DDHD2: variants seen among roughly 807,000 people sequenced by gnomAD.
DDHD2 encodes triacylglycerol hydrolase DDHD2.
In DDHD2, 62 loss-of-function variants were observed where a neutral mutation model predicts 91.2. The observed-to-expected ratio is 0.68, with a 90% CI of 0.55 to 0.84. The LOEUF is 0.84. Among genes scored for constraint, DDHD2 ranks in the 40% least tolerant of loss-of-function variants. The pLI is 0.00. For synonymous variants in DDHD2, 271 were observed against 293.9 expected (o/e 0.92, Z 0.80); for missense variants, 740 against 846.9 (o/e 0.87, Z 1.57).
chr8:38,246,350 T>C (rs763616195), intron 9 of DDHD2, 50 bp downstream of exon 9: 3 of 1,416,046 alleles, frequency 2.1e-6, no homozygotes, highest in Admixed American at 3.9e-5. Context: ...TTAGTAAGGA[T>C]TTATAGATTT....
At chr8:38,251,726 A>G in intron 11 of DDHD2, 186 bp from the exon 12 acceptor site, 1 of 519,932 alleles carries the variant, frequency 1.9e-6, no homozygotes, top group Non-Finnish European at 3.4e-6. Context: ...CTTTGGCTAT[A>G]CTTTTACTAT....
intron 2 of DDHD2, 82 bp downstream of exon 2, chr8:38,233,296 A>G (rs1303982817): frequency 7.2e-6 from 8 of 1,110,012 alleles, no homozygotes; most frequent in Non-Finnish European, 9.0e-6. Flanking sequence ...AGTGAGTGCT[A>G]TGAAAACCAA....
chr8:38,237,652 G>A (rs746988762), intron 4 of DDHD2, 25 bp downstream of exon 4: 13 of 1,375,482 alleles, frequency 9.5e-6, no homozygotes, highest in South Asian at 2.6e-5. Flanking sequence ...TTCTCTTGTC[G>A]GGATAAAAAG....
In DDHD2 at chr8:38,262,082, G is replaced by C. The variant is rs915640170; in HGVS notation, c.*1509G>C. On this transcript the variant is annotated 3_prime_UTR_variant, in exon 18 of 18. Coordinates refer to ENST00000397166, the MANE Select transcript of DDHD2 (RefSeq NM_015214.3). ...TGGAGATTGTAGAGGTAAGGTTGGG[G>C]TATAGGTCAGGCCTGGCCTTTCTTT... is the stretch of plus-strand genomic sequence containing the variant. The C allele has an allele frequency of 1.3e-5, 2 of 152,194 alleles. No homozygotes were observed. The highest frequency in any genetic ancestry group is 3.2e-3 in the Middle Eastern group (1 of 316). The allele number at this position is 152,194 out of a possible 1,614,324, so 9.4% of individuals were successfully genotyped here.
chr8:38,267,132 G>C, downstream of DDHD2: 10 of 1,544,392 alleles, frequency 6.5e-6, no homozygotes, highest in Non-Finnish European at 8.7e-6. Flanking sequence ...TTAAACTGTG[G>C]AGTTACTAAA....
chr8:38,259,413 G>T (rs1290928047), intron 16 of DDHD2, among the ~76,000 whole-genome samples: 1 of 148,940 alleles, frequency 6.7e-6, no homozygotes, highest in African/African-American at 2.5e-5. Flanking sequence ...TTTAGACGGA[G>T]TCTCGCCTAT....
At chr8:38,233,274 A>G (rs531383600) in intron 2 of DDHD2, 60 bp downstream of exon 2, 75 of 1,380,158 alleles carry the variant, frequency 5.4e-5, no homozygotes, top group Middle Eastern at 1.9e-4. Flanking sequence ...ACTATAATAT[A>G]ATGGTCCTTA....
At chr8:38,251,707 T>C in intron 11 of DDHD2, 1 of 436,912 alleles carries the variant, frequency 2.3e-6, no homozygotes, top group Non-Finnish European at 4.0e-6. Flanking sequence ...AGTAGAAAAC[T>C]ATATAATCCT....
intron 5 of DDHD2, chr8:38,238,413 A>T (rs887839434): frequency 5.0e-5 from 65 of 1,311,332 alleles, no homozygotes; most frequent in Middle Eastern, 3.0e-4. Flanking sequence ...ATATGGTAGG[A>T]TGGGTAAAAT....
rs781412916 is a variant in DDHD2, at chr8:38,260,116, C to T, written c.2131C>T (p.Gln711Ter). ...TQGIFLDQPL[Q>*] ...GGGTATCTTCCTTGATCAGCCTTTA[C>T]AGTAAAAATGACCCATCTATGGCTG... Residue 711 changes from glutamine to a stop codon, truncating the protein, a stop_gained, in exon 17 of 18, where the codon CAG becomes TAG. Transcript: ENST00000397166. LOFTEE classifies it high-confidence loss of function. 1 of 1,610,254 alleles carries T rather than the reference C, an allele frequency of 6.2e-7. No individual in the cohort carries two copies. The highest frequency in any genetic ancestry group is 8.5e-7 in the Non-Finnish European group (1 of 1,176,582).
Position 38,237,607 on chromosome 8 carries a change from A to G in DDHD2, c.481A>G (p.Ile161Val). ...KKLESPNREI[I>V]ILHNPKLMVH... is the part of the protein sequence containing the mutation. ...ACTGGAATCTCCCAACAGAGAAATT[A>G]TTATTTTACACAATCCAAAGGTAAA... Residue 161 changes from isoleucine to valine, a missense_variant, in exon 4 of 18, where the codon ATT becomes GTT. By Grantham distance (29) the Ile-to-Val change is conservative (BLOSUM62 3). Around this residue, in one of 2 missense-constraint regions of DDHD2, gnomAD observed 693 missense variants for 764.2 expected, o/e 0.91. Transcript: ENST00000397166. 6.3e-7 allele frequency: 1 copy of G among 1,578,388 alleles called. No homozygotes were observed. The highest frequency in any genetic ancestry group is 8.6e-7 in the Non-Finnish European group (1 of 1,156,446).
chr8:38,235,324 C>T (rs1472012729), intron 3 of DDHD2, among the ~76,000 whole-genome samples: 6 of 152,028 alleles, frequency 3.9e-5, no homozygotes, highest in South Asian at 2.1e-4. Flanking sequence ...CTGCTGGCCT[C>T]GGCCTCCCAA....
At chr8:38,264,151 A>ATT (rs112738084), downstream of DDHD2, 929 of 849,484 alleles carry the variant, frequency 1.1e-3, no homozygotes, top group Middle Eastern at 1.6e-3. Flanking sequence ...GATAGATTCA[A>ATT]TTTTTTTTTT....
intron 1 of DDHD2, chr8:38,267,897 C>T: frequency 6.2e-7 from 1 of 1,613,994 alleles, no homozygotes; most frequent in Non-Finnish European, 8.5e-7. Context: ...TGTCACTTAC[C>T]TCCCTACGAT....
intron 16 of DDHD2, among the ~76,000 whole-genome samples, chr8:38,254,267 C>T (rs1331485762): frequency 2.6e-5 from 4 of 152,096 alleles, no homozygotes; most frequent in Non-Finnish European, 1.5e-5. Flanking sequence ...AAAAATGTGT[C>T]TTTTGGCCAT....
intron 1 of DDHD2, chr8:38,269,273 AC>A: frequency 7.6e-7 from 1 of 1,323,552 alleles, no homozygotes; most frequent in Non-Finnish European, 9.7e-7. Flanking sequence ...GGAACTGGGC[AC>A]CGCCCCCTCT....
downstream of DDHD2, chr8:38,267,549 C>CCTTA (rs3830326): frequency 0.22 from 183,623 of 837,704 alleles, 21,767 homozygotes; most frequent in East Asian, 0.31. Flanking sequence ...AAGAGAAAAG[C>CCTTA]CTTTCAAGGT....
At chr8:38,264,636 A>G, downstream of DDHD2, 1 of 1,555,908 alleles carries the variant, frequency 6.4e-7, no homozygotes. Context: ...TCTTCTCTTA[A>G]TATTAGGCTC....
chr8:38,271,140 T>C (rs945811799), exon 2 of DDHD2: 10 of 152,316 alleles, frequency 6.6e-5, no homozygotes, highest in Admixed American at 3.9e-4. Flanking sequence ...TCCTCAAATG[T>C]GTTCAATCAA....
Sources: gnomAD v4.1 joint callset for allele counts (sites outside exome capture counted in the v4.1 genomes callset) on GRCh38, gnomAD v4.1.1 for gene constraint, gnomAD v4.1.1 regional missense constraint, MANE v1.5 for transcripts, NCBI Gene and HGNC (gene_info 2026-07-23, HGNC 2026-07-21) for gene names.